The following MALRD1 variants were observed in gnomAD, a reference collection of about 807,000 sequenced individuals.
The protein encoded by MALRD1 is MAM and LDL-receptor class A domain-containing protein 1.
A neutral mutation model predicts 242.1 loss-of-function variants in MALRD1; 247 were observed. The ratio of observed to expected loss-of-function variants is 1.02; its 90% confidence interval spans 0.92 to 1.13. The LOEUF is 1.13. MALRD1 is among the 50% of genes most tolerant of loss of function. The pLI is 0.00. For missense variants in MALRD1, 2,989 were observed against 2,533.1 expected, an observed-to-expected ratio of 1.18 and a Z score of -3.86; for synonymous variants, 995 against 866.6, an observed-to-expected ratio of 1.15 and a Z score of -2.60.
At chr10:19,505,463 A>T (rs757272561) in intron 31 of MALRD1, among the ~76,000 whole-genome samples, 11 of 152,320 alleles carry the variant, frequency 7.2e-5, no homozygotes, top group Non-Finnish European at 1.6e-4. Context: ...GGACACAGAG[A>T]GAAGACAGTC....
intron 30 of MALRD1, among the ~76,000 whole-genome samples, chr10:19,496,519 C>T (rs1037837968): frequency 1.3e-5 from 2 of 152,102 alleles, no homozygotes; most frequent in African/African-American, 4.8e-5. Context: ...TGAGAACAGG[C>T]ATACAACATA....
At chr10:19,372,355 T>C (rs971814874) in intron 26 of MALRD1, among the ~76,000 whole-genome samples, 2 of 152,116 alleles carry the variant, frequency 1.3e-5, no homozygotes, top group Admixed American at 6.6e-5. Context: ...GCGTTATAAA[T>C]ATTTAGACAC....
chr10:19,672,625 T>C (rs1408241959), intron 36 of MALRD1, among the ~76,000 whole-genome samples: 1 of 151,998 alleles, frequency 6.6e-6, no homozygotes, highest in Non-Finnish European at 1.5e-5. Context: ...GGTTTTGCCA[T>C]GTTGGCCGGG....
At chr10:19,405,018 T>C (rs1404441385) in intron 28 of MALRD1, among the ~76,000 whole-genome samples, 1 of 152,154 alleles carries the variant, frequency 6.6e-6, no homozygotes, top group Non-Finnish European at 1.5e-5. Flanking sequence ...AGCACTTTAT[T>C]TAGTAGGTTT....
intron 14 of MALRD1, among the ~76,000 whole-genome samples, chr10:19,191,464 A>G (rs1835971587): frequency 1.3e-5 from 2 of 152,202 alleles, no homozygotes; most frequent in South Asian, 2.1e-4. Context: ...TATAATTACC[A>G]TATGCTTCGG....
rs538100725 is a variant in MALRD1, at chr10:19,204,334, A to G, written c.2131A>G (p.Ser711Gly). The change falls in exon 16 of 40, where the codon AGC becomes GGC. Residue 711 changes from serine to glycine, a missense_variant. By Grantham distance (56) the Ser-to-Gly change is moderately conservative (BLOSUM62 0). Coordinates refer to ENST00000454679, the MANE Select transcript of MALRD1 (RefSeq NM_001142308.3). ...GCATTTTATGTTCATTCTGAAGAAA[A>G]GCAGCAGCTTGTGGCAAGTTGCTAA... ...QGHFMFILKK[S>G]SSLWQVAKLQ... is the part of the protein sequence containing the mutation. 2.3e-3 allele frequency: 3,533 copies of G among 1,548,696 alleles called. 97 individuals carry two copies. In the South Asian group the frequency reaches 0.04, roughly 18 times the overall value.
At chr10:19,618,492 CT>C (rs1170025105) in intron 36 of MALRD1, among the ~76,000 whole-genome samples, 6 of 152,032 alleles carry the variant, frequency 3.9e-5, no homozygotes, top group African/African-American at 1.4e-4. Context: ...TTGCTAGCAT[CT>C]GATATTTTTT....
intron 21 of MALRD1, among the ~76,000 whole-genome samples, chr10:19,320,711 A>G (rs935663970): frequency 6.6e-6 from 1 of 152,052 alleles, no homozygotes; most frequent in Non-Finnish European, 1.5e-5. Context: ...AAGCATTCCT[A>G]TTTCTCCACA....
At chr10:19,647,965 T>C (rs1840722047) in intron 36 of MALRD1, among the ~76,000 whole-genome samples, 2 of 152,090 alleles carry the variant, frequency 1.3e-5, no homozygotes, top group African/African-American at 4.8e-5. Flanking sequence ...CTGGGGATAA[T>C]TTCCCAATTG....
chr10:19,390,204 C>T (rs1418501016), intron 28 of MALRD1, among the ~76,000 whole-genome samples: 1 of 152,136 alleles, frequency 6.6e-6, no homozygotes, highest in Non-Finnish European at 1.5e-5. Context: ...TGTTTCCTTC[C>T]CTTTCCTTTC....
At chr10:19,121,796 T>C (rs1183960208) in intron 5 of MALRD1, among the ~76,000 whole-genome samples, 1 of 152,192 alleles carries the variant, frequency 6.6e-6, no homozygotes, top group East Asian at 1.9e-4. Flanking sequence ...AGTTTTCTTC[T>C]GATTTCTCTC....
chr10:19,224,284 C>CT (rs377702801), intron 18 of MALRD1, among the ~76,000 whole-genome samples: 17,337 of 136,250 alleles, frequency 0.13, 1,424 homozygotes, highest in Admixed American at 0.25. Flanking sequence ...GGATGATGAG[C>CT]TTTTTTTTTT....
intron 36 of MALRD1, among the ~76,000 whole-genome samples, chr10:19,642,750 A>G (rs370001639): frequency 5.0e-4 from 76 of 152,318 alleles, no homozygotes; most frequent in African/African-American, 1.8e-3. Context: ...CCTTGATTAA[A>G]TGTCTCAAGT....
intron 1 of MALRD1, among the ~76,000 whole-genome samples, chr10:19,065,959 C>T (rs1265144328): frequency 2.0e-5 from 3 of 152,020 alleles, no homozygotes; most frequent in Non-Finnish European, 4.4e-5. Context: ...AAGATGGAAG[C>T]TGAGTTTTAA....
At chr10:19,719,938 C>A (rs549441471) in intron 38 of MALRD1, among the ~76,000 whole-genome samples, 1 of 151,690 alleles carries the variant, frequency 6.6e-6, no homozygotes, top group Non-Finnish European at 1.5e-5. Flanking sequence ...TTTTTATTAG[C>A]AGTTGTCAGA....
chr10:19,337,054 C>G (rs1470317553), intron 24 of MALRD1, among the ~76,000 whole-genome samples: 1 of 151,800 alleles, frequency 6.6e-6, no homozygotes, highest in Non-Finnish European at 1.5e-5. Flanking sequence ...ATATGTATTA[C>G]ACAAAATATA....
At chr10:19,052,634 A>G (rs577797769) in intron 1 of MALRD1, among the ~76,000 whole-genome samples, 1 of 152,246 alleles carries the variant, frequency 6.6e-6, no homozygotes, top group South Asian at 2.1e-4. Context: ...GGGGCTTGAT[A>G]GAGTAGATGT....
chr10:19,402,255 T>C (rs1031791025), intron 28 of MALRD1, among the ~76,000 whole-genome samples: 15 of 152,152 alleles, frequency 9.9e-5, no homozygotes, highest in African/African-American at 2.9e-4. Flanking sequence ...ATTGAGACCA[T>C]CATGGGCAAC....
chr10:19,475,232 A>G (rs1396807819), intron 29 of MALRD1, among the ~76,000 whole-genome samples: 1 of 152,048 alleles, frequency 6.6e-6, no homozygotes, highest in Admixed American at 6.5e-5. Context: ...TGGCTAACAC[A>G]GCGAAACCCC....
Sources: gnomAD v4.1 joint callset for allele counts (sites outside exome capture counted in the v4.1 genomes callset) on GRCh38, gnomAD v4.1.1 for gene constraint, MANE v1.5 for transcripts, NCBI Gene and HGNC (gene_info 2026-07-23, HGNC 2026-07-21) for gene names.